The following ENTPD3 variants were observed in gnomAD, a reference collection of about 807,000 sequenced individuals.
ENTPD3 encodes the protein ectonucleoside triphosphate diphosphohydrolase 3, also known as CD39 antigen-like 3.
ENTPD3 carries 60 observed loss-of-function variants against 51.2 expected under a neutral mutation model. The observed-to-expected ratio is 1.17, with a 90% CI of 0.95 to 1.45. ENTPD3 has a LOEUF of 1.45. Ranked by LOEUF, ENTPD3 falls within the 40% of genes most tolerant of loss-of-function variation. The pLI, the probability that ENTPD3 is intolerant of heterozygous loss-of-function variation, is 0.00. For missense variants in ENTPD3, 593 were observed against 641.1 expected, an observed-to-expected ratio of 0.93 and a Z score of 0.81; for synonymous variants, 221 against 238.4, an observed-to-expected ratio of 0.93 and a Z score of 0.67.
chr3:40,427,692 T>G lies in ENTPD3; in HGVS notation c.*184T>G, dbSNP rs1956011567. 1.7e-6 allele frequency: 1 copy of G among 600,570 alleles called. No homozygotes were observed. The highest frequency in any genetic ancestry group is 3.0e-6 in the Non-Finnish European group (1 of 337,110). The allele number at this position is 600,570 out of a possible 1,614,324, so 37.2% of individuals were successfully genotyped here. A position where few individuals can be genotyped will look rare whatever the true frequency, so the allele number is the denominator to read the frequency against. On this transcript the variant is annotated 3_prime_UTR_variant, in exon 11 of 11. Transcript: ENST00000301825. Reference sequence around the variant, plus strand: ...CTTGAGGCATCCCTTGGCTATTCTGTGCATATTGTTCTTCAGAGACCTCAC... The same window carrying G: ...CTTGAGGCATCCCTTGGCTATTCTGGGCATATTGTTCTTCAGAGACCTCAC...
chr3:40,427,227 C>A, intron 10 of ENTPD3, 45 bp from the exon 11 acceptor site: 1 of 1,492,820 alleles, frequency 6.7e-7, no homozygotes, highest in South Asian at 1.1e-5. Context: ...TGATTGCAGC[C>A]TTGAGCCTTG....
Position 40,392,136 on chromosome 3 carries a change from C to T in ENTPD3, c.154C>T (p.Pro52Ser), listed in dbSNP as rs1213888544. Residue 52 changes from proline (P) to serine (S), a missense_variant, in exon 3 of 11, where the codon CCT becomes TCT. Physicochemically the swap from Pro to Ser is moderately conservative, Grantham distance 74. Transcript: ENST00000301825. ...VIQIHKQEVL[P>S]PGLKYGIVLD... ...CCAGATCCACAAGCAAGAGGTCCTC[C>T]CTCCAGGACTGAAGGTAAGTGTGAA... is the stretch of plus-strand genomic sequence containing the variant. 3 of 1,614,140 alleles carry T rather than the reference C, an allele frequency of 1.9e-6. No individual in the cohort carries two copies. The highest frequency in any genetic ancestry group is 2.5e-6 in the Non-Finnish European group (3 of 1,180,012).
chr3:40,408,319 T>G (rs1955551209), intron 4 of ENTPD3, among the ~76,000 whole-genome samples: 2 of 152,208 alleles, frequency 1.3e-5, no homozygotes, highest in Non-Finnish European at 2.9e-5. Flanking sequence ...AGTTCTTCCC[T>G]CTTAAAAACA....
At chr3:40,400,800 G>A in intron 3 of ENTPD3, 94 bp from the exon 4 acceptor site, 1 of 887,988 alleles carries the variant, frequency 1.1e-6, no homozygotes, top group Non-Finnish European at 1.8e-6. Context: ...AAGCAGTGTG[G>A]ATTAAGGTAC....
At position 40,397,121 on chromosome 3, in the gene ENTPD3, T is replaced by TTC. The variant is rs1299092017; in HGVS notation, c.169-3772_169-3771insCT. 4.8e-5 allele frequency among the ~76,000 whole-genome samples: 6 copies of TTC among 124,300 alleles called. 1 individual carries two copies. Among genetic ancestry groups the TTC allele is most frequent in the African/African-American group, 2.5e-4 (6 of 23,798 alleles). The allele number at this position is 124,300 out of a possible 152,430, so 81.5% of individuals were successfully genotyped here. ...AGTAAGAGTTGGATAATTAGTTTCT[T>TTC]TTTTTTTTTTTTTTTTTTCAGAAAG... On this transcript the variant is annotated intron_variant, in intron 3 of 10. Coordinates refer to ENST00000301825, the MANE Select transcript of ENTPD3 (RefSeq NM_001248.4).
chr3:40,414,643 C>T (rs771097069), intron 5 of ENTPD3, 38 bp from the exon 6 acceptor site: 2 of 1,610,052 alleles, frequency 1.2e-6, no homozygotes, highest in Non-Finnish European at 1.7e-6. Flanking sequence ...ACTGTATTGT[C>T]TGGGCACTCA....
At position 40,411,840 on chromosome 3, in the gene ENTPD3, C is replaced by T. The variant is rs755423705; in HGVS notation, c.315C>T (p.Asn105=). 3.8e-6 allele frequency: 6 copies of T among 1,596,078 alleles called. No individual in the cohort carries two copies. The highest frequency in any genetic ancestry group is 1.1e-5 in the South Asian group (1 of 87,040). The change falls in exon 5 of 11, where the codon AAC becomes AAT. Residue 105 remains asparagine (N), a synonymous_variant. Transcript: ENST00000301825. ...KGSGISSYGN[N]PQDVPRAFEE... ...CTGGAATCTCCAGCTATGGAAATAA[C>T]CCCCAAGATGTCCCCAGAGCCTTTG...
intron 7 of ENTPD3, 84 bp from the exon 8 acceptor site, chr3:40,422,766 A>G: frequency 8.2e-7 from 1 of 1,221,828 alleles, no homozygotes; most frequent in Non-Finnish European, 1.1e-6. Context: ...ACTATTGGAC[A>G]TTTGGGTTGA....
chr3:40,424,096 C>T, intron 10 of ENTPD3, 133 bp downstream of exon 10: 6 of 1,495,738 alleles, frequency 4.0e-6, no homozygotes, highest in Non-Finnish European at 5.3e-6. Context: ...CAGACTGATC[C>T]CTTGTGAGTT....
Position 40,427,688 on chromosome 3 carries a change from T to C in ENTPD3, c.*180T>C. On this transcript the variant is annotated 3_prime_UTR_variant, in exon 11 of 11. Transcript: ENST00000301825. Reference sequence around the variant, plus strand: ...ACCTCTTGAGGCATCCCTTGGCTATTCTGTGCATATTGTTCTTCAGAGACC... The same window carrying C: ...ACCTCTTGAGGCATCCCTTGGCTATCCTGTGCATATTGTTCTTCAGAGACC... 1.7e-6 allele frequency: 1 copy of C among 605,714 alleles called. No homozygotes were observed. The highest frequency in any genetic ancestry group is 2.9e-6 in the Non-Finnish European group (1 of 340,078). The allele number at this position is 605,714 out of a possible 1,614,324, so 37.5% of individuals were successfully genotyped here. A position where few individuals can be genotyped will look rare whatever the true frequency, so the allele number is the denominator to read the frequency against.
intron 7 of ENTPD3, among the ~76,000 whole-genome samples, chr3:40,419,650 C>T (rs1955820139): frequency 6.6e-6 from 1 of 152,144 alleles, no homozygotes; most frequent in African/African-American, 2.4e-5. Flanking sequence ...CAATGTATTT[C>T]CATTTATTTA....
At chr3:40,401,506 G>A (rs540386395) in intron 4 of ENTPD3, among the ~76,000 whole-genome samples, 2 of 152,306 alleles carry the variant, frequency 1.3e-5, no homozygotes, top group East Asian at 1.9e-4. Context: ...TTTATAATGG[G>A]CAGTGAGCAT....
chr3:40,411,808 T>A lies in ENTPD3; in HGVS notation c.287-4T>A. 2 of 1,572,402 alleles carry A rather than the reference T, an allele frequency of 1.3e-6. No homozygotes were observed. The highest frequency in any genetic ancestry group is 8.6e-7 in the Non-Finnish European group (1 of 1,159,114). ...CTGACAGATGCTGACTGCTTGCTTTTCAGGCTCTGGAATCTCCAGCTATGG... is the reference window on the plus strand; with the variant it reads ...CTGACAGATGCTGACTGCTTGCTTTACAGGCTCTGGAATCTCCAGCTATGG... On this transcript the variant is annotated splice_region_variant and splice_polypyrimidine_tract_variant and intron_variant, in intron 4 of 10. Transcript: ENST00000301825.
At position 40,427,374 on chromosome 3, in the gene ENTPD3, GT is replaced by G. The variant is rs781462790; in HGVS notation, c.1457del (p.Val486AlafsTer78). The G allele has an allele frequency of 1.9e-6, 3 of 1,614,064 alleles. No homozygotes were observed. Among genetic ancestry groups the G allele is most frequent in the Non-Finnish European group, 2.5e-6 (3 of 1,179,996 alleles). On this transcript the variant is annotated frameshift_variant, in exon 11 of 11. Coordinates refer to ENST00000301825, the MANE Select transcript of ENTPD3 (RefSeq NM_001248.4). LOFTEE classifies it low-confidence loss of function (END_TRUNC). ...GATCCGTCTGCCCATAGAACCACCTGTCTTTGTGGGCACCCTCGCTTTCTTC... is the reference window on the plus strand; with the variant it reads ...GATCCGTCTGCCCATAGAACCACCTGCTTTGTGGGCACCCTCGCTTTCTTC... ...PLIRLPIEPPVFVGTLAFFTA... is the reference protein window; with the variant it reads ...PLIRLPIEPPXFVGTLAFFTA...
intron 9 of ENTPD3, 86 bp from the exon 10 acceptor site, chr3:40,423,740 T>C: frequency 6.8e-7 from 1 of 1,462,788 alleles, no homozygotes; most frequent in Non-Finnish European, 9.3e-7. Context: ...GGTGATAAGA[T>C]TCTTTAAAAC....
In ENTPD3 at chr3:40,423,136, C is replaced by G; in HGVS notation, c.1104+14C>G. 6.2e-7 allele frequency: 1 copy of G among 1,601,132 alleles called. No individual in the cohort carries two copies. Among genetic ancestry groups the G allele is most frequent in the South Asian group, 1.1e-5 (1 of 89,558 alleles). The stretch of plus-strand genomic sequence containing the variant: ...GGGCCATTTGTGGTAAGAGCAAAAC[C>G]TTCTGAAAGATTCCTTTCCCCATTG... On this transcript the variant is annotated intron_variant, in intron 8 of 10. Coordinates refer to ENST00000301825, the MANE Select transcript of ENTPD3 (RefSeq NM_001248.4).
At chr3:40,387,988 T>C (rs953273841) in intron 1 of ENTPD3, 58 bp from the exon 2 acceptor site, 3 of 1,454,626 alleles carry the variant, frequency 2.1e-6, no homozygotes, top group African/African-American at 2.8e-5. Context: ...GCTCGTTCTT[T>C]AAACTTGTGA....
At chr3:40,417,775 G>A (rs1406793801) in intron 7 of ENTPD3, among the ~76,000 whole-genome samples, 1 of 152,126 alleles carries the variant, frequency 6.6e-6, no homozygotes, top group Non-Finnish European at 1.5e-5. Context: ...GAGAAGCTCT[G>A]GAAAATCCTC....
At chr3:40,421,165 A>G (rs1955864654) in intron 7 of ENTPD3, among the ~76,000 whole-genome samples, 4 of 151,930 alleles carry the variant, frequency 2.6e-5, no homozygotes, top group Admixed American at 2.0e-4. Context: ...CTGGGACTAC[A>G]GGTGCGTGCC....
Sources: gnomAD v4.1 joint callset for allele counts (sites outside exome capture counted in the v4.1 genomes callset) on GRCh38, gnomAD v4.1.1 for gene constraint, MANE v1.5 for transcripts, NCBI Gene and HGNC (gene_info 2026-07-23, HGNC 2026-07-21) for gene names.